HEXB: variants seen among roughly 807,000 people sequenced by gnomAD.
The protein encoded by HEXB is beta-hexosaminidase subunit beta.
A neutral mutation model predicts 71.2 loss-of-function variants in HEXB; 51 were observed. That is an observed-to-expected ratio of 0.72 (90% CI 0.57 to 0.90). The LOEUF (loss-of-function observed/expected upper bound fraction) is 0.90. Ranked by LOEUF, HEXB falls within the 40% of genes least tolerant of loss-of-function variation. HEXB has a pLI of 0.00. For missense variants in HEXB, 617 were observed against 677.0 expected (o/e 0.91, Z 0.98); for synonymous variants, 266 against 249.3 (o/e 1.07, Z -0.63).
chr5:74,656,768 C>T (rs1748228176), intron 1 of HEXB, among the ~76,000 whole-genome samples: 2 of 152,074 alleles, frequency 1.3e-5, no homozygotes, highest in Non-Finnish European at 2.9e-5. Flanking sequence ...CATGCCACCA[C>T]ACCCAGCTAA....
chr5:74,709,367 A>T (rs1208496027), intron 6 of HEXB, among the ~76,000 whole-genome samples: 2 of 152,224 alleles, frequency 1.3e-5, no homozygotes, highest in East Asian at 3.9e-4. Flanking sequence ...ACACCCTAAC[A>T]TCACAATTAA....
At chr5:74,667,054 G>A (rs570296374) in intron 1 of HEXB, among the ~76,000 whole-genome samples, 15 of 152,080 alleles carry the variant, frequency 9.9e-5, no homozygotes, top group Non-Finnish European at 1.8e-4. Context: ...ACCAGGTTGC[G>A]TATATTACAG....
intron 5 of HEXB, among the ~76,000 whole-genome samples, chr5:74,702,323 C>A (rs1388950611): frequency 6.6e-6 from 1 of 151,798 alleles, no homozygotes; most frequent in Non-Finnish European, 1.5e-5. Context: ...CGTGATCCGC[C>A]CGCCTCGGCC....
At chr5:74,696,510 G>C (rs1749115662) in intron 3 of HEXB, among the ~76,000 whole-genome samples, 183 bp from the exon 4 acceptor site, 1 of 151,866 alleles carries the variant, frequency 6.6e-6, no homozygotes, top group Non-Finnish European at 1.5e-5. Context: ...TTTTAATTTG[G>C]CTTTGATTTT....
intron 6 of HEXB, 65 bp from the exon 7 acceptor site, chr5:74,713,441 G>T: frequency 6.6e-7 from 1 of 1,518,162 alleles, no homozygotes; most frequent in South Asian, 1.1e-5. Flanking sequence ...AAGCACAATT[G>T]TTAACAATTT....
intron 7 of HEXB, among the ~76,000 whole-genome samples, chr5:74,713,958 A>C (rs1170624424): frequency 6.6e-6 from 1 of 152,218 alleles, no homozygotes; most frequent in African/African-American, 2.4e-5. Flanking sequence ...CTCCTGCCTC[A>C]GCCTACTGAG....
chr5:74,682,330 C>A (rs1327464816), upstream of HEXB, among the ~76,000 whole-genome samples: 1 of 152,188 alleles, frequency 6.6e-6, no homozygotes, highest in Non-Finnish European at 1.5e-5. Context: ...TGCGCCCCAG[C>A]CTGGGCGATA....
chr5:74,671,782 T>C (rs1335279816), intron 1 of HEXB, among the ~76,000 whole-genome samples: 1 of 152,172 alleles, frequency 6.6e-6, no homozygotes, highest in Non-Finnish European at 1.5e-5. Flanking sequence ...AACACTGATA[T>C]TTTTTTCAAA....
Position 74,716,572 on chromosome 5 carries a change from C to A in HEXB, c.1083-15C>A, listed in dbSNP as rs1184511058. ...ATCAAACTTCTAATGAAATTTTAATCACTTTTTGCTTCAGGGAATCAAATC... is the reference window on the plus strand; with the variant it reads ...ATCAAACTTCTAATGAAATTTTAATAACTTTTTGCTTCAGGGAATCAAATC... On this transcript the variant is annotated splice_polypyrimidine_tract_variant and intron_variant, in intron 8 of 13. Coordinates refer to ENST00000261416, the MANE Select transcript of HEXB (RefSeq NM_000521.4). The A allele has an allele frequency of 2.6e-6, 4 of 1,533,926 alleles. No homozygotes were observed. Among genetic ancestry groups the A allele is most frequent in the South Asian group, 1.1e-5 (1 of 88,604 alleles).
At chr5:74,682,722 A>T (rs996813191), upstream of HEXB, among the ~76,000 whole-genome samples, 1 of 152,230 alleles carries the variant, frequency 6.6e-6, no homozygotes, top group Non-Finnish European at 1.5e-5. Flanking sequence ...ATTGCAAATT[A>T]TATTTGTCTT....
At chr5:74,697,224 G>T in intron 5 of HEXB, 118 bp downstream of exon 5, 1 of 683,332 alleles carries the variant, frequency 1.5e-6, no homozygotes, top group East Asian at 2.7e-5. Context: ...TAAGCACTGG[G>T]CATTCTTTCC....
At chr5:74,680,434 A>G (rs572580201), upstream of HEXB, among the ~76,000 whole-genome samples, 1 of 152,302 alleles carries the variant, frequency 6.6e-6, no homozygotes, top group South Asian at 2.1e-4. Flanking sequence ...TCACACTAAG[A>G]GGAACTGTAC....
intron 3 of HEXB, among the ~76,000 whole-genome samples, chr5:74,695,463 A>G (rs1410044365): frequency 2.0e-5 from 3 of 150,056 alleles, no homozygotes; most frequent in Non-Finnish European, 4.4e-5. Context: ...TTGGCCTCCC[A>G]AAGTGCTGGG....
At position 74,685,484 on chromosome 5, in the gene HEXB, AG is replaced by A; in HGVS notation, c.225del (p.Asn76ThrfsTer78). On this transcript the variant is annotated frameshift_variant, in exon 1 of 14. Transcript: ENST00000261416. LOFTEE classifies it high-confidence loss of function. ...CCGAACCTGCTGCATCTCGCCCCGGAGAACTTCTACATCAGCCACAGCCCCA... is the reference window on the plus strand; with the variant it reads ...CCGAACCTGCTGCATCTCGCCCCGGAAACTTCTACATCAGCCACAGCCCCA... ...MTPNLLHLAP[E>X]NFYISHSPNS... 1 of 1,611,034 alleles carries A rather than the reference AG, an allele frequency of 6.2e-7. No individual in the cohort carries two copies. The highest frequency in any genetic ancestry group is 1.3e-5 in the African/African-American group (1 of 74,556).
intron 1 of HEXB, among the ~76,000 whole-genome samples, chr5:74,647,321 TGAAGAAGGGACTA>T: frequency 6.6e-6 from 1 of 152,360 alleles, no homozygotes; most frequent in East Asian, 1.9e-4. Context: ...TGTCTGGGCA[TGAAGAAGGGACTA>T]GAAGAAGGGA....
chr5:74,684,210 C>T (rs1580376182), upstream of HEXB, among the ~76,000 whole-genome samples: 1 of 152,332 alleles, frequency 6.6e-6, no homozygotes, highest in South Asian at 2.1e-4. Flanking sequence ...TTTGGTCTGC[C>T]TAGCGTTTTC....
intron 2 of HEXB, chr5:74,689,901 A>G (rs979070644): frequency 5.2e-6 from 1 of 192,328 alleles, no homozygotes; most frequent in African/African-American, 2.4e-5. Flanking sequence ...TTAAACATGA[A>G]TTTCACTAGT....
intron 5 of HEXB, among the ~76,000 whole-genome samples, chr5:74,704,268 T>G (rs1749328031): frequency 6.6e-6 from 1 of 152,226 alleles, no homozygotes; most frequent in Non-Finnish European, 1.5e-5. Context: ...TCCCCTTGTA[T>G]GTAAAAGATG....
At chr5:74,707,778 A>C (rs988523969) in intron 6 of HEXB, among the ~76,000 whole-genome samples, 18 of 150,378 alleles carry the variant, frequency 1.2e-4, no homozygotes, top group African/African-American at 3.7e-4. Context: ...TCCAAGAAAT[A>C]TGGGACTATG....
Sources: gnomAD v4.1 joint callset for allele counts (sites outside exome capture counted in the v4.1 genomes callset) on GRCh38, gnomAD v4.1.1 for gene constraint, MANE v1.5 for transcripts, NCBI Gene and HGNC (gene_info 2026-07-23, HGNC 2026-07-21) for gene names.